IPMK: variants seen among roughly 807,000 people sequenced by gnomAD.
The protein encoded by IPMK is inositol polyphosphate multikinase, also known as inositol 1,3,4,6-tetrakisphosphate 5-kinase.
In IPMK, 17 loss-of-function variants were observed where a neutral mutation model predicts 45.8. The ratio of observed to expected loss-of-function variants is 0.37; its 90% CI spans 0.25 to 0.56. The LOEUF is 0.56. Ranked by LOEUF, IPMK falls within the 20% of genes least tolerant of loss-of-function variation. The pLI is 0.79. For missense variants in IPMK, 399 were observed against 498.0 expected, an observed-to-expected ratio of 0.80 and a Z score of 1.89; for synonymous variants, 180 against 184.3, an observed-to-expected ratio of 0.98 and a Z score of 0.19.
chr10:58,257,662 G>A (rs1838992685), intron 1 of IPMK, among the ~76,000 whole-genome samples: 1 of 152,060 alleles, frequency 6.6e-6, no homozygotes, highest in South Asian at 2.1e-4. Context: ...GAAACAGACT[G>A]AAAAATATCA....
chr10:58,207,038 G>C (rs1328279951), intron 4 of IPMK, among the ~76,000 whole-genome samples: 1 of 152,002 alleles, frequency 6.6e-6, no homozygotes, highest in African/African-American at 2.4e-5. Flanking sequence ...GTCTTGCTCT[G>C]TTGCCCAGGC....
intron 3 of IPMK, among the ~76,000 whole-genome samples, chr10:58,221,057 T>G (rs1442002955): frequency 1.3e-5 from 2 of 152,204 alleles, no homozygotes; most frequent in Non-Finnish European, 2.9e-5. Flanking sequence ...AACTCAATTA[T>G]GCACTTGATA....
At position 58,191,925 on chromosome 10, in the gene IPMK, C is replaced by T. The variant is rs1837823868; in HGVS notation, c.*4151G>A. The stretch of plus-strand genomic sequence containing the variant: ...ATATGCAGGTGCATCATACATCATA[C>T]TTAAAACTATTTCACTTTACAAACT... On this transcript the variant is annotated 3_prime_UTR_variant, in exon 6 of 6. Transcript: ENST00000373935. 6.6e-6 allele frequency: 1 copy of T among 152,080 alleles called. No individual in the cohort carries two copies. The allele number at this position is 152,080 out of a possible 1,614,324, so 9.4% of individuals were successfully genotyped here.
chr10:58,230,537 C>T (rs1347425844), intron 2 of IPMK, among the ~76,000 whole-genome samples: 1 of 152,208 alleles, frequency 6.6e-6, no homozygotes, highest in African/African-American at 2.4e-5. Flanking sequence ...GGCAAACGGT[C>T]TGGAGTGGAC....
At chr10:58,210,482 C>G (rs1838141312) in intron 4 of IPMK, among the ~76,000 whole-genome samples, 1 of 152,184 alleles carries the variant, frequency 6.6e-6, no homozygotes, top group African/African-American at 2.4e-5. Context: ...AGTTCGTGCC[C>G]ACTTGAAATT....
intron 1 of IPMK, among the ~76,000 whole-genome samples, chr10:58,247,041 G>C (rs1233412053): frequency 1.3e-5 from 2 of 150,942 alleles, no homozygotes; most frequent in Admixed American, 1.3e-4. Context: ...GCAGCCAAAA[G>C]ACACATGAAA....
At chr10:58,252,611 C>CTTT (rs113777957) in intron 1 of IPMK, among the ~76,000 whole-genome samples, 6 of 111,248 alleles carry the variant, frequency 5.4e-5, no homozygotes, top group Non-Finnish European at 7.3e-5. Flanking sequence ...GTTTTCTTTT[C>CTTT]TTTTTTTTTT....
chr10:58,256,372 T>C (rs777549506), intron 1 of IPMK, among the ~76,000 whole-genome samples: 3 of 152,218 alleles, frequency 2.0e-5, no homozygotes, highest in Admixed American at 1.3e-4. Flanking sequence ...TCTCCTGCAG[T>C]GCCCTCAGGC....
In IPMK at chr10:58,200,321, G is replaced by A. The variant is rs575919146; in HGVS notation, c.547-1000C>T. On this transcript the variant is annotated intron_variant, in intron 4 of 5. Coordinates refer to ENST00000373935, the MANE Select transcript of IPMK (RefSeq NM_152230.5). ...TTTAGTAGAGGTGAGGTTTCACCAT[G>A]TTGGCCAGGCTGGTCTCAAACTCCT... 4.1e-4 allele frequency among the ~76,000 whole-genome samples: 63 copies of A among 152,166 alleles called. 1 individual carries two copies. Among genetic ancestry groups the A allele is most frequent in the Non-Finnish European group, 8.7e-4 (59 of 68,028 alleles).
At chr10:58,258,726 A>C (rs531785086) in intron 1 of IPMK, among the ~76,000 whole-genome samples, 1 of 152,336 alleles carries the variant, frequency 6.6e-6, no homozygotes, top group South Asian at 2.1e-4. Flanking sequence ...TATATTGTTT[A>C]GTACTTAAAG....
intron 4 of IPMK, among the ~76,000 whole-genome samples, chr10:58,213,573 G>C (rs1838198755): frequency 6.6e-6 from 1 of 151,336 alleles, no homozygotes; most frequent in Admixed American, 6.6e-5. Flanking sequence ...TGTAGTCCCA[G>C]CTACGCGGTA....
At chr10:58,211,984 G>A (rs958350456) in intron 4 of IPMK, among the ~76,000 whole-genome samples, 1 of 148,472 alleles carries the variant, frequency 6.7e-6, no homozygotes, top group Non-Finnish European at 1.5e-5. Flanking sequence ...TGTCAGTTTT[G>A]TGGGGTTTTT....
chr10:58,226,841 C>A (rs549470369), intron 3 of IPMK, among the ~76,000 whole-genome samples: 1 of 152,238 alleles, frequency 6.6e-6, no homozygotes, highest in Admixed American at 6.5e-5. Context: ...TGGCCATTTA[C>A]TTGTATATGC....
intron 1 of IPMK, among the ~76,000 whole-genome samples, chr10:58,242,088 A>T (rs1053946775): frequency 6.6e-6 from 1 of 152,148 alleles, no homozygotes; most frequent in Non-Finnish European, 1.5e-5. Flanking sequence ...TAAAAAAGCA[A>T]GGAAAATAAT....
At chr10:58,231,933 A>G (rs551484015) in intron 2 of IPMK, among the ~76,000 whole-genome samples, 2 of 152,344 alleles carry the variant, frequency 1.3e-5, no homozygotes, top group African/African-American at 4.8e-5. Context: ...CAGGAGACCC[A>G]TCTCACATGC....
Position 58,267,517 on chromosome 10 carries a change from G to A in IPMK, c.95C>T (p.Thr32Ile), listed in dbSNP as rs771611638. The change falls in exon 1 of 6, where the codon ACC becomes ATC. Residue 32 changes from threonine (T) to isoleucine (I), a missense_variant. Thr to Ile is a moderately conservative substitution (Grantham distance 89, BLOSUM62 -1). Transcript: ENST00000373935. ...SPAIESTPEG[T>I]PQPAGGRLRF... is the part of the protein sequence containing the mutation. ...GAGTCTGCCGCCCGCCGGCTGCGGG[G>A]TGCCCTCAGGGGTGGACTCGATCGC... 3.1e-6 allele frequency: 5 copies of A among 1,613,174 alleles called. No homozygotes were observed. The African/African-American group carries it at 6.7e-5, about 22-fold the overall frequency.
chr10:58,228,350 A>G (rs1288582390), intron 2 of IPMK, among the ~76,000 whole-genome samples: 1 of 152,252 alleles, frequency 6.6e-6, no homozygotes, highest in African/African-American at 2.4e-5. Context: ...TGTGTGTATC[A>G]TCTCTGTAAA....
At chr10:58,203,678 T>C (rs1409286578) in intron 4 of IPMK, among the ~76,000 whole-genome samples, 4 of 152,208 alleles carry the variant, frequency 2.6e-5, no homozygotes, top group Non-Finnish European at 5.9e-5. Context: ...CTACTCCTAG[T>C]AAAGATGTTG....
chr10:58,198,905 T>C (rs1169847458), intron 5 of IPMK, among the ~76,000 whole-genome samples: 2 of 152,286 alleles, frequency 1.3e-5, no homozygotes, highest in Non-Finnish European at 2.9e-5. Flanking sequence ...TAATATACTA[T>C]GATCTATAAC....
Sources: gnomAD v4.1 joint callset for allele counts (sites outside exome capture counted in the v4.1 genomes callset) on GRCh38, gnomAD v4.1.1 for gene constraint, MANE v1.5 for transcripts, NCBI Gene and HGNC (gene_info 2026-07-23, HGNC 2026-07-21) for gene names.